MPPED1: variants seen among roughly 807,000 people sequenced by gnomAD.
MPPED1 encodes the protein metallophosphoesterase domain containing 1, also known as metallophosphoesterase domain-containing protein 1.
MPPED1 carries 16 observed loss-of-function variants against 36.2 expected under a neutral mutation model. That is an observed-to-expected ratio of 0.44 (90% CI 0.30 to 0.67). The LOEUF is 0.67. Ranked by LOEUF, MPPED1 falls within the 30% of genes least tolerant of loss-of-function variation. The pLI is 0.10. For missense variants in MPPED1, 307 were observed against 453.4 expected (o/e 0.68, Z 2.93); for synonymous variants, 199 against 191.3 (o/e 1.04, Z -0.33).
chr22:43,500,768 A>T (rs574659169), intron 5 of MPPED1, among the ~76,000 whole-genome samples: 1 of 152,010 alleles, frequency 6.6e-6, no homozygotes, highest in South Asian at 2.1e-4. Flanking sequence ...TGCAGGGTAG[A>T]GGGTTCAGGA....
intron 3 of MPPED1, among the ~76,000 whole-genome samples, chr22:43,469,010 C>G (rs1394744740): frequency 6.6e-6 from 1 of 152,186 alleles, no homozygotes; most frequent in Non-Finnish European, 1.5e-5. Flanking sequence ...TGTAGAGAGG[C>G]TTTTTCTTTA....
intron 3 of MPPED1, among the ~76,000 whole-genome samples, chr22:43,470,346 T>C (rs1417737116): frequency 6.6e-6 from 1 of 151,904 alleles, no homozygotes; most frequent in Non-Finnish European, 1.5e-5. Flanking sequence ...TCCATCCATG[T>C]ATGCATCTAT....
At chr22:43,471,024 C>T (rs1931357333) in intron 3 of MPPED1, among the ~76,000 whole-genome samples, 3 of 152,236 alleles carry the variant, frequency 2.0e-5, no homozygotes, top group Admixed American at 6.5e-5. Flanking sequence ...GTGCCCCATC[C>T]ACCCTTTTCT....
At chr22:43,483,179 T>A (rs951614016) in intron 4 of MPPED1, among the ~76,000 whole-genome samples, 2 of 152,238 alleles carry the variant, frequency 1.3e-5, no homozygotes, top group African/African-American at 4.8e-5. Context: ...CTTTCTAACT[T>A]GATAAATATA....
chr22:43,437,624 T>G (rs1186151516), intron 3 of MPPED1, among the ~76,000 whole-genome samples: 1 of 152,190 alleles, frequency 6.6e-6, no homozygotes, highest in Non-Finnish European at 1.5e-5. Flanking sequence ...CTGGATCTGC[T>G]TCCTGCCTGG....
intron 5 of MPPED1, among the ~76,000 whole-genome samples, chr22:43,499,696 TGGA>T (rs1319759874): frequency 8.7e-6 from 1 of 115,492 alleles, no homozygotes; most frequent in African/African-American, 3.4e-5. Context: ...ATGGTGGTGG[TGGA>T]GGTGATGATG....
intron 4 of MPPED1, among the ~76,000 whole-genome samples, chr22:43,496,306 AGTGGTGG>A (rs1932353063): frequency 2.6e-4 from 1 of 3,830 alleles, no homozygotes; most frequent in Non-Finnish European, 3.8e-4. Context: ...TGGTGGAGGT[AGTGGTGG>A]CGGAGATGGT....
At chr22:43,505,086 T>C (rs1265185369) in intron 6 of MPPED1, among the ~76,000 whole-genome samples, 1 of 150,868 alleles carries the variant, frequency 6.6e-6, no homozygotes, top group East Asian at 2.0e-4. Context: ...ATGACATTAG[T>C]GATGATTATG....
intron 1 of MPPED1, among the ~76,000 whole-genome samples, chr22:43,417,417 T>TA (rs1929112013): frequency 6.6e-6 from 1 of 150,662 alleles, no homozygotes; most frequent in South Asian, 2.1e-4. Context: ...CCCATTGGGG[T>TA]ATTTGCTTCT....
intron 3 of MPPED1, among the ~76,000 whole-genome samples, chr22:43,460,929 C>T (rs778420858): frequency 2.0e-5 from 3 of 152,148 alleles, no homozygotes; most frequent in Non-Finnish European, 2.9e-5. Flanking sequence ...TTTTAAGTTT[C>T]TTGGTTGGCC....
chr22:43,505,268 C>T (rs377484797), intron 6 of MPPED1, among the ~76,000 whole-genome samples: 8 of 152,026 alleles, frequency 5.3e-5, no homozygotes, highest in African/African-American at 9.7e-5. Flanking sequence ...GGCACTGGGC[C>T]GAGCACAGTA....
At chr22:43,435,005 C>T in intron 2 of MPPED1, 29 bp from the exon 3 acceptor site, 2 of 1,606,090 alleles carry the variant, frequency 1.2e-6, no homozygotes, top group African/African-American at 1.3e-5. Flanking sequence ...CCATGGCCTC[C>T]TGATCCGCAG....
At chr22:43,468,287 C>G (rs1176699080) in intron 3 of MPPED1, among the ~76,000 whole-genome samples, 1 of 152,156 alleles carries the variant, frequency 6.6e-6, no homozygotes, top group African/African-American at 2.4e-5. Flanking sequence ...AGCATTGCTC[C>G]CCAGCTCTGA....
intron 1 of MPPED1, among the ~76,000 whole-genome samples, chr22:43,414,981 TCA>T (rs1211410726): frequency 1.3e-5 from 2 of 151,892 alleles, no homozygotes; most frequent in Non-Finnish European, 2.9e-5. Context: ...CCTGGGCGCC[TCA>T]CCCTCTAGGA....
chr22:43,428,699 T>G (rs1343406356), intron 2 of MPPED1, among the ~76,000 whole-genome samples: 4 of 152,156 alleles, frequency 2.6e-5, no homozygotes, highest in Admixed American at 2.6e-4. Flanking sequence ...CTGTGATTTA[T>G]GCAGTTGCCC....
intron 4 of MPPED1, among the ~76,000 whole-genome samples, chr22:43,491,074 A>G (rs1402929194): frequency 1.3e-5 from 2 of 152,212 alleles, no homozygotes; most frequent in African/African-American, 2.4e-5. Context: ...TCCTGGCTCA[A>G]TGGACTCTCA....
chr22:43,498,114 C>A, intron 4 of MPPED1, 121 bp from the exon 5 acceptor site: 1 of 690,600 alleles, frequency 1.4e-6, no homozygotes, highest in Non-Finnish European at 2.4e-6. Context: ...GAGACCTTCC[C>A]TGGGTCTCCA....
At chr22:43,451,887 C>T (rs1472489066) in intron 3 of MPPED1, among the ~76,000 whole-genome samples, 5 of 152,184 alleles carry the variant, frequency 3.3e-5, no homozygotes, top group South Asian at 2.1e-4. Flanking sequence ...GAGGTTTTCC[C>T]GCCTCCATGC....
At chr22:43,500,133 GTAA>G (rs1932628844) in intron 5 of MPPED1, among the ~76,000 whole-genome samples, 2 of 104,408 alleles carry the variant, frequency 1.9e-5, no homozygotes, top group Non-Finnish European at 3.9e-5. Flanking sequence ...GATGGAGGTG[GTAA>G]TGGAGGTGGT....
Sources: gnomAD v4.1 joint callset for allele counts (sites outside exome capture counted in the v4.1 genomes callset) on GRCh38, gnomAD v4.1.1 for gene constraint, MANE v1.5 for transcripts, NCBI Gene and HGNC (gene_info 2026-07-23, HGNC 2026-07-21) for gene names.